PREX1: variants seen among roughly 807,000 people sequenced by gnomAD.
PREX1 encodes the protein phosphatidylinositol 3,4,5-trisphosphate-dependent Rac exchanger 1 protein.
In PREX1, 41 loss-of-function variants were observed where a neutral mutation model predicts 198.3. The ratio of observed to expected loss-of-function variants is 0.21; its 90% CI spans 0.16 to 0.27. The LOEUF (loss-of-function observed/expected upper bound fraction) is 0.27. PREX1 is among the 10% of genes least tolerant of loss of function. The probability of loss-of-function intolerance (pLI) is 1.00; values close to 1 mark genes in which losing one functional copy is unlikely to be tolerated. For synonymous variants in PREX1, 843 were observed against 887.2 expected (o/e 0.95, Z 0.89); for missense variants, 1,620 against 2,200.7 (o/e 0.74, Z 5.28).
intron 1 of PREX1, among the ~76,000 whole-genome samples, chr20:48,760,533 C>T (rs1042517283): frequency 6.6e-6 from 1 of 151,654 alleles, no homozygotes; most frequent in Non-Finnish European, 1.5e-5. Context: ...CTGGACCAAA[C>T]AAAAAGGGGG....
intron 25 of PREX1, among the ~76,000 whole-genome samples, chr20:48,648,288 C>T (rs1437059014): frequency 1.3e-5 from 2 of 152,218 alleles, no homozygotes; most frequent in Non-Finnish European, 1.5e-5. Flanking sequence ...TACATACAGA[C>T]TTTCTTTTAA....
chr20:48,653,447 C>T lies in PREX1; in HGVS notation c.2260G>A (p.Val754Ile), dbSNP rs367557082. ...GLCAGQCILK[V>I]NGSNVMNDGA... is the part of the protein sequence containing the mutation. ...TCGTTCATCACGTTGCTGCCATTGA[C>T]CTTCAGAATGCACTGACCAGCACAG... is the stretch of plus-strand genomic sequence containing the variant. Residue 754 changes from valine (V) to isoleucine (I), a missense_variant, in exon 20 of 40, where the codon GTC becomes ATC. Val to Ile is a conservative substitution (Grantham distance 29). Around this residue, in one of 7 missense-constraint regions of PREX1, gnomAD observed 514 missense variants for 611.6 expected, o/e 0.84. Transcript: ENST00000371941. The T allele has an allele frequency of 3.7e-6, 6 of 1,613,872 alleles. No individual in the cohort carries two copies. The South Asian group carries it at 4.4e-5, about 12-fold the overall frequency.
intron 1 of PREX1, among the ~76,000 whole-genome samples, chr20:48,782,728 G>C (rs531778952): frequency 6.6e-6 from 1 of 152,154 alleles, no homozygotes; most frequent in Middle Eastern, 3.2e-3. Flanking sequence ...CCCAGGTAGA[G>C]GAAACAGCAC....
At chr20:48,850,284 G>A in the PREX1 span, among the ~76,000 whole-genome samples, 1 of 152,192 alleles carries the variant, frequency 6.6e-6, no homozygotes. Flanking sequence ...GCAAGCGGAG[G>A]GCCGAGGGGA....
intron 7 of PREX1, among the ~76,000 whole-genome samples, chr20:48,693,273 T>C (rs1236739336): frequency 6.6e-6 from 1 of 152,194 alleles, no homozygotes; most frequent in African/African-American, 2.4e-5. Context: ...AATTCTATCA[T>C]TCACCCACTC....
At chr20:48,755,481 T>C (rs1481563515) in intron 1 of PREX1, among the ~76,000 whole-genome samples, 2 of 152,218 alleles carry the variant, frequency 1.3e-5, no homozygotes, top group Admixed American at 1.3e-4. Context: ...GCATATTATG[T>C]ACAACATCTT....
the PREX1 span, among the ~76,000 whole-genome samples, chr20:48,847,711 G>C: frequency 6.6e-6 from 1 of 152,050 alleles, no homozygotes; most frequent in East Asian, 1.9e-4. Context: ...AATGCATTTT[G>C]ACAAATGTCT....
the PREX1 span, among the ~76,000 whole-genome samples, chr20:48,859,011 TCAGCCTCC>T: frequency 6.6e-6 from 1 of 152,122 alleles, no homozygotes; most frequent in African/African-American, 2.4e-5. Context: ...TCCTCCCATC[TCAGCCTCC>T]CGAGTAGCTA....
intron 1 of PREX1, among the ~76,000 whole-genome samples, chr20:48,775,065 G>T (rs372996500): frequency 6.6e-6 from 1 of 152,128 alleles, no homozygotes; most frequent in African/African-American, 2.4e-5. Flanking sequence ...TTGCTCACAC[G>T]GTTTCCACCA....
rs111961401 is a variant in PREX1, at chr20:48,657,619, G to A, written c.1975-431C>T. Among the ~76,000 whole-genome samples, 978 of 152,276 alleles carry A rather than the reference G, an allele frequency of 6.4e-3. 4 individuals carry two copies. Among genetic ancestry groups the A allele is most frequent in the Non-Finnish European group, 9.5e-3 (647 of 68,004 alleles). ...TAGCCGCTCCGGCCATGGGTATGTC[G>A]CTCCTTGCAGCCCAAAGCATTCCTA... On this transcript the variant is annotated intron_variant, in intron 17 of 39. Transcript: ENST00000371941.
In PREX1 at chr20:48,726,470, C is replaced by T. The variant is rs1289546688; in HGVS notation, c.520-79G>A. ...TAGCCACCCTCAACCATGAGAAACGCTCTCAGAGCACAGCTACAATCACTT... is the reference window on the plus strand; with the variant it reads ...TAGCCACCCTCAACCATGAGAAACGTTCTCAGAGCACAGCTACAATCACTT... On this transcript the variant is annotated intron_variant, in intron 4 of 39. Transcript: ENST00000371941. 4.0e-6 allele frequency: 4 copies of T among 1,003,538 alleles called. No homozygotes were observed. In the African/African-American group the frequency reaches 6.3e-5, roughly 16 times the overall value. 62.2% of individuals were successfully genotyped at this position (1,003,538 alleles called of 1,614,324 possible).
At chr20:48,807,169 T>A (rs1266464340) in intron 1 of PREX1, among the ~76,000 whole-genome samples, 1 of 152,190 alleles carries the variant, frequency 6.6e-6, no homozygotes, top group East Asian at 1.9e-4. Context: ...CAAAAAAGTA[T>A]ACAAAGATAA....
At chr20:48,868,665 A>G in the PREX1 span, among the ~76,000 whole-genome samples, 1 of 152,098 alleles carries the variant, frequency 6.6e-6, no homozygotes, top group Admixed American at 6.6e-5. Context: ...GGTACAGAAA[A>G]TGTCTCCCTC....
the PREX1 span, among the ~76,000 whole-genome samples, chr20:48,878,220 T>C: frequency 6.6e-6 from 1 of 152,238 alleles, no homozygotes; most frequent in South Asian, 2.1e-4. Flanking sequence ...TCGTTCACTC[T>C]GCTCCAGCCA....
intron 1 of PREX1, among the ~76,000 whole-genome samples, chr20:48,770,032 T>C (rs921898555): frequency 6.6e-6 from 1 of 152,240 alleles, no homozygotes; most frequent in African/African-American, 2.4e-5. Context: ...TATCACGGAA[T>C]GGACTTTCTA....
At chr20:48,683,359 T>A (rs2089764610) in intron 10 of PREX1, among the ~76,000 whole-genome samples, 1 of 152,228 alleles carries the variant, frequency 6.6e-6, no homozygotes, top group African/African-American at 2.4e-5. Context: ...TCTTGCCATC[T>A]TCTGGTGGAT....
chr20:48,770,027 C>T lies in PREX1; in HGVS notation c.220-22147G>A, dbSNP rs183742093. Reference sequence around the variant, plus strand: ...AAGGAGGTAAATTTGAGGTTTATCACGGAATGGACTTTCTAAAATTTTCTG... The same window carrying T: ...AAGGAGGTAAATTTGAGGTTTATCATGGAATGGACTTTCTAAAATTTTCTG... On this transcript the variant is annotated intron_variant, in intron 1 of 39. Coordinates refer to ENST00000371941, the MANE Select transcript of PREX1 (RefSeq NM_020820.4). 8.5e-5 allele frequency among the ~76,000 whole-genome samples: 13 copies of T among 152,282 alleles called. No individual in the cohort carries two copies. In the East Asian group the frequency reaches 1.5e-3, roughly 18 times the overall value.
chr20:48,786,464 C>G (rs1442728971), intron 1 of PREX1, among the ~76,000 whole-genome samples: 2 of 151,934 alleles, frequency 1.3e-5, no homozygotes, highest in Non-Finnish European at 2.9e-5. Flanking sequence ...AGGATGGGGG[C>G]CGGGCACGGT....
At chr20:48,814,510 C>A (rs2090451188) in intron 1 of PREX1, among the ~76,000 whole-genome samples, 1 of 152,072 alleles carries the variant, frequency 6.6e-6, no homozygotes, top group South Asian at 2.1e-4. Flanking sequence ...ATAGGAAGAG[C>A]AAAGGAAAAG....
Sources: allele counts gnomAD v4.1 joint callset (sites outside exome capture counted in the v4.1 genomes callset), GRCh38; gene constraint gnomAD v4.1.1; regional missense constraint gnomAD v4.1.1; transcripts MANE v1.5; gene names NCBI Gene and HGNC (gene_info 2026-07-23, HGNC 2026-07-21).